BTBD9: variants seen among roughly 807,000 people sequenced by gnomAD.
BTBD9 encodes BTB domain containing 9.
BTBD9 carries 49 observed loss-of-function variants against 64.3 expected under a neutral mutation model. That is an observed-to-expected ratio of 0.76 (90% CI 0.61 to 0.97). The LOEUF is 0.97. Among genes scored for constraint, BTBD9 ranks in the 50% least tolerant of loss-of-function variants. The probability of loss-of-function intolerance (pLI) is 0.00; values close to 1 mark genes in which losing one functional copy is unlikely to be tolerated. For missense variants in BTBD9, 598 were observed against 762.1 expected (o/e 0.78, Z 2.53); for synonymous variants, 260 against 274.7 (o/e 0.95, Z 0.53).
chr6:38,361,474 T>C (rs938705094), intron 6 of BTBD9, among the ~76,000 whole-genome samples: 8 of 152,062 alleles, frequency 5.3e-5, no homozygotes, highest in African/African-American at 1.9e-4. Context: ...GCCCAAGAGT[T>C]GGAGGCTGCA....
At chr6:38,405,001 G>C (rs1307924908) in intron 6 of BTBD9, among the ~76,000 whole-genome samples, 1 of 152,152 alleles carries the variant, frequency 6.6e-6, no homozygotes, top group Admixed American at 6.5e-5. Flanking sequence ...AGTGCTTATT[G>C]TCAATCGTTA....
At chr6:38,340,614 C>A (rs1459402038) in intron 7 of BTBD9, among the ~76,000 whole-genome samples, 2 of 152,182 alleles carry the variant, frequency 1.3e-5, no homozygotes, top group Non-Finnish European at 2.9e-5. Flanking sequence ...AGGGAACCAC[C>A]TCTTTATTTT....
At chr6:38,570,598 C>G (rs918104276) in intron 6 of BTBD9, among the ~76,000 whole-genome samples, 2 of 152,134 alleles carry the variant, frequency 1.3e-5, no homozygotes, top group Admixed American at 1.3e-4. Flanking sequence ...ATTCCTTTTA[C>G]ATATTTAGAG....
intron 1 of BTBD9, among the ~76,000 whole-genome samples, chr6:38,598,925 AT>A (rs1315786385): frequency 3.3e-5 from 5 of 151,762 alleles, no homozygotes; most frequent in African/African-American, 9.7e-5. Context: ...CTCAAAAAAA[AT>A]AATAATAATA....
chr6:38,405,825 A>C (rs10484928), intron 6 of BTBD9, among the ~76,000 whole-genome samples: 5,106 of 152,320 alleles, frequency 0.034, 169 homozygotes, highest in East Asian at 0.11. Flanking sequence ...GTGTTGGTCT[A>C]AATATTCTAG....
At chr6:38,463,689 C>G (rs1770208254) in intron 6 of BTBD9, among the ~76,000 whole-genome samples, 1 of 152,180 alleles carries the variant, frequency 6.6e-6, no homozygotes, top group South Asian at 2.1e-4. Flanking sequence ...ATGTCACAGT[C>G]TTAAACCTTG....
intron 6 of BTBD9, among the ~76,000 whole-genome samples, chr6:38,476,061 G>A (rs1044463850): frequency 1.6e-4 from 24 of 152,124 alleles, no homozygotes; most frequent in African/African-American, 5.8e-4. Flanking sequence ...TTGGCAGGCT[G>A]GAAAAAATTA....
chr6:38,256,552 G>A (rs1481183452), intron 8 of BTBD9, 36 bp from the exon 9 acceptor site: 2 of 1,451,408 alleles, frequency 1.4e-6, no homozygotes, highest in Admixed American at 3.4e-5. Flanking sequence ...TGCTGTAAAT[G>A]TTTTAACTGG....
chr6:38,605,344 A>T (rs1777395633), intron 1 of BTBD9, among the ~76,000 whole-genome samples: 1 of 152,098 alleles, frequency 6.6e-6, no homozygotes, highest in African/African-American at 2.4e-5. Flanking sequence ...CACCATACCC[A>T]GCCAGCTTTA....
At chr6:38,474,881 A>G (rs556021685) in intron 6 of BTBD9, among the ~76,000 whole-genome samples, 161 of 152,314 alleles carry the variant, frequency 1.1e-3, no homozygotes, top group Non-Finnish European at 1.6e-3. Context: ...AATGAAAGTA[A>G]AGTATACTTT....
chr6:38,258,162 T>A (rs894341489), intron 8 of BTBD9, among the ~76,000 whole-genome samples: 6 of 151,842 alleles, frequency 4.0e-5, no homozygotes, highest in African/African-American at 1.5e-4. Flanking sequence ...ATTTTTGTAG[T>A]TTTAGTAGAG....
At chr6:38,189,205 C>A (rs961588217) in intron 10 of BTBD9, among the ~76,000 whole-genome samples, 1 of 152,284 alleles carries the variant, frequency 6.6e-6, no homozygotes, top group East Asian at 1.9e-4. Context: ...TCCTATGCTG[C>A]GGCCCTCCCC....
chr6:38,335,859 G>A (rs561062511), intron 7 of BTBD9, among the ~76,000 whole-genome samples: 123 of 152,134 alleles, frequency 8.1e-4, no homozygotes, highest in Admixed American at 3.3e-3. Flanking sequence ...TTAGCCTCCC[G>A]AGTAGCTGGG....
chr6:38,360,799 G>A (rs566667398), intron 6 of BTBD9, among the ~76,000 whole-genome samples: 1 of 150,564 alleles, frequency 6.6e-6, no homozygotes, highest in African/African-American at 2.4e-5. Flanking sequence ...GTGGCTGTGA[G>A]GAGAACAACA....
intron 6 of BTBD9, among the ~76,000 whole-genome samples, chr6:38,564,762 G>T (rs577288032): frequency 1.2e-4 from 19 of 152,016 alleles, no homozygotes; most frequent in South Asian, 6.2e-4. Context: ...CGTGGTGGTA[G>T]GCACCTGTAA....
rs1766623051 is a variant in BTBD9, at chr6:38,168,741, T to G, written c.*6244A>C. On this transcript the variant is annotated 3_prime_UTR_variant, in exon 11 of 11. Coordinates refer to ENST00000481247, the MANE Select transcript of BTBD9 (RefSeq NM_001099272.2). ...GTGGCCTGGGAGGTACACACATCTTTACAGGCCCAGAAACGCCAAAGGCTG... is the reference window on the plus strand; with the variant it reads ...GTGGCCTGGGAGGTACACACATCTTGACAGGCCCAGAAACGCCAAAGGCTG... 6.6e-6 allele frequency: 1 copy of G among 152,230 alleles called. No homozygotes were observed. The highest frequency in any genetic ancestry group is 6.5e-5 in the Admixed American group (1 of 15,290). 9.4% of individuals were successfully genotyped at this position (152,230 alleles called of 1,614,324 possible). A position where few individuals can be genotyped will look rare whatever the true frequency, so the allele number is the denominator to read the frequency against.
At chr6:38,361,523 A>G (rs1048598847) in intron 6 of BTBD9, among the ~76,000 whole-genome samples, 2 of 151,844 alleles carry the variant, frequency 1.3e-5, no homozygotes, top group African/African-American at 4.8e-5. Context: ...AGCCTGGGTA[A>G]CAGAACGAGA....
chr6:38,346,990 A>G (rs1004469226), intron 6 of BTBD9, among the ~76,000 whole-genome samples: 11 of 152,220 alleles, frequency 7.2e-5, no homozygotes, highest in African/African-American at 2.4e-4. Flanking sequence ...GGAAGTGACT[A>G]ACAGGGCCTT....
chr6:38,474,297 C>T (rs191309840), intron 6 of BTBD9, among the ~76,000 whole-genome samples: 111 of 152,128 alleles, frequency 7.3e-4, no homozygotes, highest in African/African-American at 2.5e-3. Context: ...TTGACGTGGG[C>T]GGATCAACCG....
Sources: allele counts gnomAD v4.1 joint callset (sites outside exome capture counted in the v4.1 genomes callset), GRCh38; gene constraint gnomAD v4.1.1; transcripts MANE v1.5; gene names NCBI Gene and HGNC (gene_info 2026-07-23, HGNC 2026-07-21).